ZEB1: variants seen among roughly 807,000 people sequenced by gnomAD.
ZEB1 encodes zinc finger E-box binding homeobox 1.
Under a neutral mutation model 84.9 loss-of-function variants are expected in ZEB1, and 21 were observed. The observed-to-expected ratio is 0.25, with a 90% CI of 0.18 to 0.36. The LOEUF is 0.36. Among genes scored for constraint, ZEB1 ranks in the 10% least tolerant of loss-of-function variants. The probability of loss-of-function intolerance (pLI) is 1.00; values close to 1 mark genes in which losing one functional copy is unlikely to be tolerated. For missense variants in ZEB1, 1,104 were observed against 1,330.2 expected, an observed-to-expected ratio of 0.83 and a Z score of 2.65; for synonymous variants, 420 against 471.1, an observed-to-expected ratio of 0.89 and a Z score of 1.41.
intron 1 of ZEB1, among the ~76,000 whole-genome samples, chr10:31,442,193 G>T (rs895979832): frequency 5.9e-5 from 9 of 152,156 alleles, no homozygotes; most frequent in African/African-American, 1.7e-4. Flanking sequence ...TTTAAGAAAA[G>T]GTGGCACATA....
At chr10:31,490,553 A>G (rs1035913824) in intron 2 of ZEB1, among the ~76,000 whole-genome samples, 1 of 151,494 alleles carries the variant, frequency 6.6e-6, no homozygotes, top group African/African-American at 2.4e-5. Context: ...AATATCTTCC[A>G]TTTGCTGAGA....
At chr10:31,489,944 C>T (rs770523409) in intron 2 of ZEB1, among the ~76,000 whole-genome samples, 3 of 151,106 alleles carry the variant, frequency 2.0e-5, no homozygotes, top group South Asian at 4.1e-4. Context: ...ATTTTACCTT[C>T]GTTTTTTAAA....
intron 1 of ZEB1, chr10:31,319,737 T>G: frequency 3.2e-5 from 5 of 157,928 alleles, no homozygotes; most frequent in Non-Finnish European, 2.8e-5. Flanking sequence ...CTCAGCGCGA[T>G]TCTCCCTCAG....
At chr10:31,408,345 A>G (rs933774537) in intron 1 of ZEB1, among the ~76,000 whole-genome samples, 14 of 151,656 alleles carry the variant, frequency 9.2e-5, no homozygotes, top group African/African-American at 2.2e-4. Flanking sequence ...ATTCAATGCC[A>G]TCCCCATCAA....
rs186938722 is a variant in ZEB1, at chr10:31,506,347, A to G, written c.484+3838A>G. On this transcript the variant is annotated intron_variant, in intron 4 of 8. Coordinates refer to ENST00000424869, the MANE Select transcript of ZEB1 (RefSeq NM_001174096.2). ...AAGTGTCTTTCTACATGATCTGTCTAATGCTGATAGGGGTGTTGAAGTCCC... is the reference window on the plus strand; with the variant it reads ...AAGTGTCTTTCTACATGATCTGTCTGATGCTGATAGGGGTGTTGAAGTCCC... 1.8e-3 allele frequency among the ~76,000 whole-genome samples: 268 copies of G among 152,106 alleles called. 3 individuals are homozygous for G. Among genetic ancestry groups the G allele is most frequent in the African/African-American group, 6.2e-3 (259 of 41,564 alleles).
chr10:31,479,859 G>A (rs779428201), intron 2 of ZEB1, among the ~76,000 whole-genome samples: 5 of 151,892 alleles, frequency 3.3e-5, no homozygotes, highest in Admixed American at 6.6e-5. Context: ...AATTTATACA[G>A]TAAGTGCTAT....
At chr10:31,322,458 C>T (rs1366946704) in intron 1 of ZEB1, among the ~76,000 whole-genome samples, 1 of 152,142 alleles carries the variant, frequency 6.6e-6, no homozygotes, top group Non-Finnish European at 1.5e-5. Flanking sequence ...GTGGATTTTG[C>T]TGCTAAGCCT....
At position 31,459,226 on chromosome 10, in the gene ZEB1, G is replaced by T. The variant is rs572018066; in HGVS notation, c.59-1811G>T. On this transcript the variant is annotated intron_variant, in intron 1 of 8. Coordinates refer to ENST00000424869, the MANE Select transcript of ZEB1 (RefSeq NM_001174096.2). ...GGACTGTCTGTACTGACATAGAAAG[G>T]CTTCCAAGACATGTTATAAAGTGGC... Among the ~76,000 whole-genome samples, 13 of 152,138 alleles carry T rather than the reference G, an allele frequency of 8.5e-5. No homozygotes were observed. In the East Asian group the frequency reaches 2.5e-3, roughly 29 times the overall value.
At chr10:31,334,008 C>G (rs533427974) in intron 1 of ZEB1, among the ~76,000 whole-genome samples, 1 of 152,066 alleles carries the variant, frequency 6.6e-6, no homozygotes, top group Non-Finnish European at 1.5e-5. Context: ...AAATAAGTGA[C>G]TACCTGATAA....
In ZEB1 at chr10:31,524,541, A is replaced by T. The variant is rs180824170; in HGVS notation, c.2785+428A>T. Among the ~76,000 whole-genome samples the T allele has an allele frequency of 3.3e-5, 5 of 152,034 alleles. No homozygotes were observed. In the East Asian group the frequency reaches 9.7e-4, roughly 29 times the overall value. On this transcript the variant is annotated intron_variant, in intron 8 of 8. Coordinates refer to ENST00000424869, the MANE Select transcript of ZEB1 (RefSeq NM_001174096.2). ...AATTTTCTTATTTTTTACTTATCTG[A>T]TCTGGCCATTTTCACCTGTTTGCCC...
intron 1 of ZEB1, among the ~76,000 whole-genome samples, chr10:31,426,770 C>T (rs1041220890): frequency 5.3e-5 from 8 of 152,160 alleles, no homozygotes; most frequent in African/African-American, 1.9e-4. Flanking sequence ...AGCCTCTACT[C>T]TAAAAAGGCA....
intron 1 of ZEB1, among the ~76,000 whole-genome samples, chr10:31,362,177 C>T (rs1029845154): frequency 3.3e-5 from 5 of 151,032 alleles, no homozygotes; most frequent in East Asian, 2.0e-4. Context: ...TGGGCAGAGG[C>T]GCTTCTCACT....
intron 1 of ZEB1, among the ~76,000 whole-genome samples, chr10:31,443,385 TG>T (rs761825153): frequency 2.0e-5 from 3 of 152,140 alleles, no homozygotes; most frequent in Non-Finnish European, 4.4e-5. Flanking sequence ...ATTCCAGGTT[TG>T]TAAAAGGATT....
At chr10:31,419,935 T>A (rs1328963114) in intron 1 of ZEB1, among the ~76,000 whole-genome samples, 2 of 152,166 alleles carry the variant, frequency 1.3e-5, no homozygotes. Context: ...CGAAGTAGTA[T>A]GTCTGGAATT....
At chr10:31,441,464 A>AC (rs2058976896) in intron 1 of ZEB1, among the ~76,000 whole-genome samples, 1 of 152,188 alleles carries the variant, frequency 6.6e-6, no homozygotes, top group Admixed American at 6.5e-5. Flanking sequence ...CTAGAAGAAA[A>AC]CCTAGGCAAT....
chr10:31,443,025 A>G (rs2059225235), intron 1 of ZEB1, among the ~76,000 whole-genome samples: 1 of 152,216 alleles, frequency 6.6e-6, no homozygotes, highest in Non-Finnish European at 1.5e-5. Flanking sequence ...TCAAGGTAAG[A>G]GATTAGCCAG....
chr10:31,488,853 A>G (rs1034966454), intron 2 of ZEB1, among the ~76,000 whole-genome samples: 3 of 151,206 alleles, frequency 2.0e-5, no homozygotes, highest in African/African-American at 7.3e-5. Context: ...TAGAATTTAA[A>G]TCCTTTAAAA....
chr10:31,451,387 G>C (rs1211133013), intron 1 of ZEB1, among the ~76,000 whole-genome samples: 5 of 151,818 alleles, frequency 3.3e-5, no homozygotes, highest in African/African-American at 1.2e-4. Context: ...TTAAAGTTTG[G>C]GCTTTTGGAC....
Position 31,459,832 on chromosome 10 carries a change from T to TGA in ZEB1, c.59-1204_59-1203insAG, listed in dbSNP as rs1401453886. On this transcript the variant is annotated intron_variant, in intron 1 of 8. Coordinates refer to ENST00000424869, the MANE Select transcript of ZEB1 (RefSeq NM_001174096.2). ...ATTTCTTCCTTCGTGTTCTCAGGAG[T>TGA]GTGTGTGTGTGTGTGTGTGTGTGTG... Among the ~76,000 whole-genome samples the TGA allele has an allele frequency of 9.4e-4, 10 of 10,660 alleles. No individual in the cohort carries two copies. In the African/African-American group the frequency reaches 0.011, roughly 12 times the overall value. 7.0% of individuals were successfully genotyped at this position (10,660 alleles called of 152,430 possible).
Sources: gnomAD v4.1 joint callset for allele counts (sites outside exome capture counted in the v4.1 genomes callset) on GRCh38, gnomAD v4.1.1 for gene constraint, MANE v1.5 for transcripts, NCBI Gene and HGNC (gene_info 2026-07-23, HGNC 2026-07-21) for gene names.